The following BMX variants were observed in gnomAD, a reference collection of about 807,000 sequenced individuals.
BMX encodes cytoplasmic tyrosine-protein kinase BMX.
A neutral mutation model predicts 59.2 loss-of-function variants in BMX; 31 were observed. The ratio of observed to expected loss-of-function variants is 0.52; its 90% confidence interval spans 0.39 to 0.71. The LOEUF (loss-of-function observed/expected upper bound fraction) is 0.71. BMX is among the 30% of genes least tolerant of loss of function. The pLI is 0.00. For missense variants in BMX, 474 were observed against 491.7 expected (o/e 0.96, Z 0.34); for synonymous variants, 185 against 181.0 (o/e 1.02, Z -0.18).
chrX:15,522,689 G>T (rs1924525811), intron 7 of BMX, 102 bp downstream of exon 7: 1 of 1,097,744 alleles, frequency 9.1e-7, no homozygotes, highest in Non-Finnish European at 1.2e-6. Flanking sequence ...GTCTTAGGCT[G>T]TCCTCTCAGA....
At chrX:15,541,122 G>T (rs941018541) in intron 14 of BMX, among the ~76,000 whole-genome samples, 2 of 110,603 alleles carry the variant, frequency 1.8e-5, no homozygotes, top group Non-Finnish European at 3.8e-5. Context: ...TTACAAGAAG[G>T]TTTGCTTGAT....
intron 9 of BMX, among the ~76,000 whole-genome samples, chrX:15,528,378 G>C (rs941066622): frequency 6.2e-5 from 7 of 112,093 alleles, no homozygotes. Flanking sequence ...ACTAGGCCTG[G>C]CCAGGTACAG....
intron 4 of BMX, among the ~76,000 whole-genome samples, chrX:15,514,073 A>G (rs990970444): frequency 9.0e-6 from 1 of 111,666 alleles, no homozygotes; most frequent in Admixed American, 9.5e-5. Context: ...TTGGTTGGAA[A>G]AAGAATTAGT....
chrX:15,544,452 G>T (rs1477109469), intron 16 of BMX, among the ~76,000 whole-genome samples: 3 of 111,382 alleles, frequency 2.7e-5, no homozygotes, highest in Non-Finnish European at 5.7e-5. Context: ...GCAGGGAGAA[G>T]CTCCCAGGTC....
At position 15,542,065 on chromosome X, in the gene BMX, G is replaced by T. The variant is rs1489188708; in HGVS notation, c.1478G>T (p.Ser493Ile). 3.3e-6 allele frequency: 4 copies of T among 1,209,518 alleles called. No individual in the cohort carries two copies. The highest frequency in any genetic ancestry group is 2.2e-5 in the Admixed American group (1 of 45,724). Residue 493 changes from serine (S) to isoleucine (I), a missense_variant, in exon 15 of 19, where the codon AGC (serine) becomes ATC (isoleucine). Coordinates refer to ENST00000348343, the MANE Select transcript of BMX (RefSeq NM_203281.3). ...YPIYIVTEYI[S>I]NGCLLNYLRS... The stretch of plus-strand genomic sequence containing the variant: ...ATATACATAGTGACTGAATATATAA[G>T]CAATGGCTGCTTGCTGAATTACCTG...
At chrX:15,538,464 A>C (rs1219795443) in intron 14 of BMX, among the ~76,000 whole-genome samples, 1 of 111,886 alleles carries the variant, frequency 8.9e-6, no homozygotes, top group Non-Finnish European at 1.9e-5. Context: ...AAATAGTTGA[A>C]ATAAAAAAAT....
rs1403019271 is a variant in BMX, at chrX:15,516,203, A to G, written c.417A>G (p.Ala139=). 8 of 1,209,549 alleles carry G rather than the reference A, an allele frequency of 6.6e-6. No individual in the cohort carries two copies. Among genetic ancestry groups the G allele is most frequent in the Non-Finnish European group, 7.8e-6 (7 of 894,708 alleles). Residue 139 remains alanine, a synonymous_variant, in exon 5 of 19, where the codon GCA becomes GCG. Transcript: ENST00000348343. ...TGTGTTGCCAGCAGAGCTGTAAAGC[A>G]GCCCCAGGATGTACCCTCTGGGAAG... The part of the protein sequence containing the change: ...KFLCCQQSCK[A]APGCTLWEAY...
chrX:15,540,191 T>A (rs1416861068), intron 14 of BMX, among the ~76,000 whole-genome samples: 1 of 111,782 alleles, frequency 8.9e-6, no homozygotes, highest in Non-Finnish European at 1.9e-5. Context: ...CAAATGCCCA[T>A]CAATGTTAGA....
chrX:15,514,885 A>G (rs1050067485), intron 4 of BMX, among the ~76,000 whole-genome samples: 45 of 111,560 alleles, frequency 4.0e-4, no homozygotes, highest in Non-Finnish European at 5.3e-4. Context: ...CTTGATCAGA[A>G]AAAAAGTGAG....
At chrX:15,524,955 G>C (rs1458429508) in intron 7 of BMX, among the ~76,000 whole-genome samples, 3 of 112,110 alleles carry the variant, frequency 2.7e-5, no homozygotes, top group Non-Finnish European at 5.6e-5. Context: ...AAATATATAA[G>C]TGACAGAATG....
intron 11 of BMX, among the ~76,000 whole-genome samples, chrX:15,532,496 C>T (rs567521308): frequency 9.0e-6 from 1 of 111,530 alleles, no homozygotes; most frequent in Non-Finnish European, 1.9e-5. Flanking sequence ...TTTATCTACA[C>T]CTCTGTGTTT....
chrX:15,546,716 C>A, intron 16 of BMX, 87 bp from the exon 17 acceptor site: 1 of 708,207 alleles, frequency 1.4e-6, no homozygotes. Context: ...CTGAGGCAAT[C>A]GACTGAGACT....
chrX:15,541,408 C>T (rs141005244), intron 14 of BMX, among the ~76,000 whole-genome samples: 1,979 of 110,254 alleles, frequency 0.018, 52 homozygotes, highest in African/African-American at 0.062. Context: ...GCCATCATGA[C>T]CTACCAGAAG....
chrX:15,521,357 A>T (rs1242981548), intron 6 of BMX, among the ~76,000 whole-genome samples: 1 of 111,964 alleles, frequency 8.9e-6, no homozygotes, highest in Non-Finnish European at 1.9e-5. Flanking sequence ...AGATTCGCTT[A>T]TTTTTTTAGT....
intron 1 of BMX, among the ~76,000 whole-genome samples, chrX:15,506,943 T>A (rs1569218011): frequency 8.8e-6 from 1 of 113,066 alleles, no homozygotes; most frequent in Non-Finnish European, 1.9e-5. Flanking sequence ...AATAATGCCC[T>A]TGGAGGACAT....
At chrX:15,522,886 A>G (rs1328626370) in intron 7 of BMX, among the ~76,000 whole-genome samples, 2 of 112,256 alleles carry the variant, frequency 1.8e-5, no homozygotes, top group Non-Finnish European at 3.8e-5. Flanking sequence ...ATCTTTAAAA[A>G]TCTATCCTTT....
chrX:15,512,454 C>A (rs1002563829), intron 4 of BMX, among the ~76,000 whole-genome samples: 2 of 111,215 alleles, frequency 1.8e-5, no homozygotes, highest in Middle Eastern at 4.2e-3. Flanking sequence ...GCAAATACAC[C>A]CTTCTCACAC....
intron 17 of BMX, among the ~76,000 whole-genome samples, chrX:15,548,049 TA>T (rs1002477969): frequency 2.7e-5 from 3 of 109,974 alleles, no homozygotes; most frequent in East Asian, 2.8e-4. Flanking sequence ...TGTTCGTTGT[TA>T]AAAAAAAAGA....
intron 13 of BMX, among the ~76,000 whole-genome samples, 164 bp downstream of exon 13, chrX:15,536,591 G>A (rs763601040): frequency 9.5e-6 from 1 of 105,530 alleles, no homozygotes; most frequent in East Asian, 3.0e-4. Context: ...AAAAAAATCT[G>A]TCCTCTCAAC....
Sources: allele counts gnomAD v4.1 joint callset (sites outside exome capture counted in the v4.1 genomes callset), GRCh38; gene constraint gnomAD v4.1.1; transcripts MANE v1.5; gene names NCBI Gene and HGNC (gene_info 2026-07-23, HGNC 2026-07-21).